Variants in RBM47 observed in about 807,000 individuals in gnomAD.
RBM47 encodes RNA-binding protein 47.
A neutral mutation model predicts 47.1 loss-of-function variants in RBM47; 21 were observed. The ratio of observed to expected loss-of-function variants is 0.45; its 90% confidence interval spans 0.32 to 0.64. RBM47 has a LOEUF of 0.64. RBM47 is among the 30% of genes least tolerant of loss of function. The pLI, the probability that RBM47 is intolerant of heterozygous loss-of-function variation, is 0.05. For missense variants in RBM47, 708 were observed against 870.9 expected, an observed-to-expected ratio of 0.81 and a Z score of 2.35; for synonymous variants, 375 against 361.7, an observed-to-expected ratio of 1.04 and a Z score of -0.42.
intron 2 of RBM47, among the ~76,000 whole-genome samples, chr4:40,500,089 T>C (rs890426255): frequency 6.6e-6 from 1 of 150,928 alleles, no homozygotes; most frequent in Non-Finnish European, 1.5e-5. Flanking sequence ...CCGAGGCGGG[T>C]GGATCACCTG....
At chr4:40,621,201 G>A (rs1737236605) in intron 1 of RBM47, among the ~76,000 whole-genome samples, 1 of 152,104 alleles carries the variant, frequency 6.6e-6, no homozygotes, top group African/African-American at 2.4e-5. Context: ...CCCAAGCCTA[G>A]TAGCCACAGG....
intron 1 of RBM47, among the ~76,000 whole-genome samples, chr4:40,589,246 GC>G (rs1275596890): frequency 1.3e-5 from 2 of 151,740 alleles, no homozygotes; most frequent in Non-Finnish European, 2.9e-5. Flanking sequence ...GGGATTATAG[GC>G]GTGAGCCACA....
At chr4:40,585,762 T>C in intron 1 of RBM47, among the ~76,000 whole-genome samples, 1 of 152,200 alleles carries the variant, frequency 6.6e-6, no homozygotes, top group East Asian at 1.9e-4. Context: ...TGATGGGTCA[T>C]CCATCAAGCA....
intron 3 of RBM47, among the ~76,000 whole-genome samples, chr4:40,453,728 C>T (rs1189045177): frequency 2.0e-5 from 3 of 152,078 alleles, no homozygotes; most frequent in Non-Finnish European, 2.9e-5. Context: ...CACTTACATG[C>T]TAAGAACAGA....
chr4:40,503,419 G>A (rs756542875), intron 2 of RBM47, among the ~76,000 whole-genome samples: 2 of 152,120 alleles, frequency 1.3e-5, no homozygotes, highest in Admixed American at 1.3e-4. Flanking sequence ...AGGAGGAGTG[G>A]GTACCAGCAA....
chr4:40,456,191 C>T lies in RBM47; in HGVS notation c.-32+10386G>A, dbSNP rs142083347. ...GCCTACCCATTGAATGTAGTAGGCC[C>T]TAAATATTGCCTGTTAACTAATTAT... On this transcript the variant is annotated intron_variant, in intron 3 of 6. Transcript: ENST00000295971. Among the ~76,000 whole-genome samples, 144 of 152,152 alleles carry T rather than the reference C, an allele frequency of 9.5e-4. 1 individual carries two copies. Among genetic ancestry groups the T allele is most frequent in the African/African-American group, 3.4e-3 (142 of 41,508 alleles).
At chr4:40,481,598 C>A (rs1261472610) in intron 2 of RBM47, among the ~76,000 whole-genome samples, 3 of 150,320 alleles carry the variant, frequency 2.0e-5, no homozygotes, top group Non-Finnish European at 4.4e-5. Flanking sequence ...GTTGCCCAGG[C>A]TAGAGTGCAG....
At chr4:40,443,937 G>A (rs1356935677) in intron 3 of RBM47, among the ~76,000 whole-genome samples, 1 of 151,906 alleles carries the variant, frequency 6.6e-6, no homozygotes, top group East Asian at 1.9e-4. Flanking sequence ...AGTGGCTCAC[G>A]CCTGTAATTC....
chr4:40,542,612 T>A (rs1326416947), intron 2 of RBM47: 1 of 152,366 alleles, frequency 6.6e-6, no homozygotes, highest in Non-Finnish European at 1.5e-5. Context: ...CCTAAGCAAT[T>A]CTCTCACTGC....
At chr4:40,462,476 C>G (rs1017808054) in intron 3 of RBM47, among the ~76,000 whole-genome samples, 3 of 152,014 alleles carry the variant, frequency 2.0e-5, no homozygotes, top group Admixed American at 6.6e-5. Context: ...TTTTTCTAGC[C>G]TAAGCCACTA....
intron 1 of RBM47, among the ~76,000 whole-genome samples, chr4:40,590,413 C>T (rs922367686): frequency 6.6e-6 from 1 of 151,932 alleles, no homozygotes; most frequent in Non-Finnish European, 1.5e-5. Context: ...ACAAAAAAAC[C>T]CCACAAAGAC....
At chr4:40,441,926 TAAAC>T (rs1713713027) in intron 3 of RBM47, among the ~76,000 whole-genome samples, 1 of 152,258 alleles carries the variant, frequency 6.6e-6, no homozygotes, top group African/African-American at 2.4e-5. Context: ...TCTTCTGTAA[TAAAC>T]AAACCATGTT....
At chr4:40,556,168 T>C (rs1292301597) in intron 1 of RBM47, among the ~76,000 whole-genome samples, 2 of 151,790 alleles carry the variant, frequency 1.3e-5, no homozygotes, top group Non-Finnish European at 2.9e-5. Context: ...CCTGAGTAGC[T>C]GGGATTACAG....
At chr4:40,564,253 T>C (rs929130276) in intron 1 of RBM47, among the ~76,000 whole-genome samples, 2 of 152,260 alleles carry the variant, frequency 1.3e-5, no homozygotes, top group African/African-American at 4.8e-5. Context: ...CTACCACACG[T>C]TCTCCTCTGG....
chr4:40,545,048 CTTTTTTTT>C (rs532170715), intron 1 of RBM47, among the ~76,000 whole-genome samples: 1 of 114,238 alleles, frequency 8.8e-6, no homozygotes, highest in South Asian at 2.8e-4. Flanking sequence ...GAGTGAGATC[CTTTTTTTT>C]TTTTTTTTTT....
chr4:40,549,892 G>A (rs912837419), intron 1 of RBM47, among the ~76,000 whole-genome samples: 13 of 151,842 alleles, frequency 8.6e-5, no homozygotes, highest in African/African-American at 2.7e-4. Flanking sequence ...TGTTGGTCTC[G>A]AACTCCTGAC....
chr4:40,598,851 A>T (rs1397383568), intron 1 of RBM47, among the ~76,000 whole-genome samples: 1 of 12,912 alleles, frequency 7.7e-5, no homozygotes, highest in Non-Finnish European at 1.9e-4. Context: ...GTAAAACCAA[A>T]AAAAAAAAAA....
chr4:40,502,864 G>A (rs1224134335), intron 2 of RBM47, among the ~76,000 whole-genome samples: 2 of 151,928 alleles, frequency 1.3e-5, no homozygotes, highest in African/African-American at 4.8e-5. Context: ...AGACGGCTGG[G>A]CGTGGTGGCT....
intron 1 of RBM47, among the ~76,000 whole-genome samples, chr4:40,553,404 TCTC>T (rs1729764911): frequency 6.6e-6 from 1 of 152,008 alleles, no homozygotes; most frequent in African/African-American, 2.4e-5. Flanking sequence ...TTAAAGCAAT[TCTC>T]CTGCCTCAGC....
Sources: gnomAD v4.1 joint callset for allele counts (sites outside exome capture counted in the v4.1 genomes callset) on GRCh38, gnomAD v4.1.1 for gene constraint, MANE v1.5 for transcripts, NCBI Gene and HGNC (gene_info 2026-07-23, HGNC 2026-07-21) for gene names.